The following ALDH16A1 variants were observed in gnomAD, a reference collection of about 807,000 sequenced individuals.
ALDH16A1 encodes the protein aldehyde dehydrogenase 16 family member A1, also known as aldehyde dehydrogenase family 16 member A1.
ALDH16A1 carries 88 observed loss-of-function variants against 96.1 expected under a neutral mutation model. That is an observed-to-expected ratio of 0.92 (90% confidence interval 0.77 to 1.09). The LOEUF is 1.09. Ranked by LOEUF, ALDH16A1 falls within the 50% of genes least tolerant of loss-of-function variation. The pLI, the probability that ALDH16A1 is intolerant of heterozygous loss-of-function variation, is 0.00. For missense variants in ALDH16A1, 1,250 were observed against 1,112.6 expected (o/e 1.12, Z -1.76); for synonymous variants, 522 against 496.4 (o/e 1.05, Z -0.69).
intron 1 of ALDH16A1, among the ~76,000 whole-genome samples, chr19:49,454,754 G>C (rs915393810): frequency 6.6e-6 from 1 of 152,186 alleles, no homozygotes; most frequent in South Asian, 2.1e-4. Flanking sequence ...AGGCCAAGAC[G>C]GGCAGATCGC....
In ALDH16A1 at chr19:49,468,159, CA is replaced by C. The variant is rs138585582; in HGVS notation, c.1939-207del. On this transcript the variant is annotated intron_variant, in intron 14 of 16. Transcript: ENST00000293350. This position sits in a 1 kb window ranked among gnomAD's most constrained non-coding sequence, Gnocchi z 4.4. ...AGGGCGACAGAGTGAGAGTCCGTCT[CA>C]AAAAAAAAAAAAAAGAAAGGCGGTT... The C allele has an allele frequency of 0.083, 33,439 of 404,648 alleles. No individual in the cohort carries two copies. Among genetic ancestry groups the C allele is most frequent in the East Asian group, 0.12 (2,782 of 23,496 alleles). 25.1% of individuals were successfully genotyped at this position (404,648 alleles called of 1,614,324 possible).
rs761523248 is a variant in ALDH16A1, at chr19:49,461,647, G to A, written c.606G>A (p.Pro202=). Residue 202 remains proline (P), a synonymous_variant, in exon 6 of 17, where the codon CCG becomes CCA. Transcript: ENST00000293350. The part of the protein sequence containing the change: ...VGCTVVALVP[P]ASPAPLLLAQ... ...GCACCGTGGTGGCCCTCGTGCCCCC[G>A]GCCTCCCCGGCGCCCCTCCTCCTGG... 56 of 1,600,848 alleles carry A rather than the reference G, an allele frequency of 3.5e-5. 1 individual carries two copies. The highest frequency in any genetic ancestry group is 6.8e-5 in the Admixed American group (4 of 59,062).
rs749761994 is a variant in ALDH16A1, at chr19:49,468,400, CT to C, written c.1959del (p.Val654CysfsTer69). ...HTLQVAGLRG[P>X]VLRLREPLGV... Reference sequence around the variant, plus strand: ...CTGCAGGTAGCCGGGCTGAGAGGCCCTGTGCTGCGCCTGCGGGAGCCGCTGG... The same window carrying C: ...CTGCAGGTAGCCGGGCTGAGAGGCCCGTGCTGCGCCTGCGGGAGCCGCTGG... On this transcript the variant is annotated frameshift_variant, in exon 15 of 17. Coordinates refer to ENST00000293350, the MANE Select transcript of ALDH16A1 (RefSeq NM_153329.4). LOFTEE classifies it high-confidence loss of function. The surrounding 1 kb of genome is among the most constrained non-coding windows in gnomAD (Gnocchi z 4.4). 6.3e-7 allele frequency: 1 copy of C among 1,599,838 alleles called. No individual in the cohort carries two copies. Among genetic ancestry groups the C allele is most frequent in the East Asian group, 2.2e-5 (1 of 44,854 alleles).
At chr19:49,462,063 C>T (rs1477176230) in intron 7 of ALDH16A1, 27 bp downstream of exon 7, 2 of 1,521,036 alleles carry the variant, frequency 1.3e-6, no homozygotes, top group African/African-American at 1.4e-5. Flanking sequence ...CCCGTCTCCT[C>T]ATACCCTGGA....
chr19:49,468,351 G>A lies in ALDH16A1; in HGVS notation c.1939-30G>A. The A allele has an allele frequency of 1.3e-6, 2 of 1,592,002 alleles. No homozygotes were observed. Among genetic ancestry groups the A allele is most frequent in the Non-Finnish European group, 1.7e-6 (2 of 1,176,628 alleles). On this transcript the variant is annotated intron_variant, in intron 14 of 16. Coordinates refer to ENST00000293350, the MANE Select transcript of ALDH16A1 (RefSeq NM_153329.4). This position sits in a 1 kb window ranked among gnomAD's most constrained non-coding sequence, Gnocchi z 4.4. Reference sequence around the variant, plus strand: ...CATTTACTGCGGGCGGGGCTCCCCTGCCCCACACGTGACCCACCTGTCCCT... The same window carrying A: ...CATTTACTGCGGGCGGGGCTCCCCTACCCCACACGTGACCCACCTGTCCCT...
chr19:49,460,203 G>A (rs1051692757), intron 4 of ALDH16A1, among the ~76,000 whole-genome samples: 2 of 150,894 alleles, frequency 1.3e-5, no homozygotes, highest in Non-Finnish European at 3.0e-5. Context: ...ATGAGCCACC[G>A]TGCCCGGTCC....
intron 1 of ALDH16A1, among the ~76,000 whole-genome samples, chr19:49,454,741 G>C (rs1273155150): frequency 6.6e-6 from 1 of 152,206 alleles, no homozygotes; most frequent in African/African-American, 2.4e-5. Flanking sequence ...CTAGAACTTG[G>C]GGAGGCCAAG....
intron 1 of ALDH16A1, 119 bp from the exon 2 acceptor site, chr19:49,458,367 A>G: frequency 1.3e-6 from 1 of 743,386 alleles, no homozygotes. Context: ...AATAGGAGGA[A>G]AAGAATTAGC....
intron 14 of ALDH16A1, among the ~76,000 whole-genome samples, chr19:49,467,076 G>T (rs1312531036): frequency 6.6e-6 from 1 of 152,168 alleles, no homozygotes; most frequent in Non-Finnish European, 1.5e-5. Context: ...GGAGTGCAGT[G>T]CCACAATCAT....
chr19:49,464,676 G>A lies in ALDH16A1; in HGVS notation c.1482G>A (p.Leu494=). Reference sequence around the variant, plus strand: ...GGCCCTCAGGGACCCCTGCCCGGCTGTCCTGCCTCTCCAAGAACCTGAACT... The same window carrying A: ...GGCCCTCAGGGACCCCTGCCCGGCTATCCTGCCTCTCCAAGAACCTGAACT... The part of the protein sequence containing the change: ...YLRPSGTPAR[L]SCLSKNLNYD... The change falls in exon 12 of 17, where the codon CTG becomes CTA. Residue 494 remains leucine (L), a synonymous_variant. Transcript: ENST00000293350. The A allele has an allele frequency of 1.9e-6, 3 of 1,614,196 alleles. No individual in the cohort carries two copies. The highest frequency in any genetic ancestry group is 1.7e-5 in the Admixed American group (1 of 60,020).
At chr19:49,460,289 G>A (rs1813684190) in intron 4 of ALDH16A1, among the ~76,000 whole-genome samples, 1 of 151,908 alleles carries the variant, frequency 6.6e-6, no homozygotes, top group Admixed American at 6.6e-5. Context: ...ACCCTGGCTG[G>A]AGTACAGTGG....
At chr19:49,467,089 C>T (rs1221295120) in intron 14 of ALDH16A1, among the ~76,000 whole-genome samples, 1 of 152,210 alleles carries the variant, frequency 6.6e-6, no homozygotes, top group African/African-American at 2.4e-5. Context: ...ACAATCATGG[C>T]TCACTGCAGC....
Position 49,453,400 on chromosome 19 carries a change from G to T in ALDH16A1, c.69G>T (p.Pro23=), listed in dbSNP as rs770469320. The change falls in exon 1 of 17, where the codon CCG becomes CCT. Residue 23 remains proline (P), a synonymous_variant. Transcript: ENST00000293350. ...CCTCGCTGGAGTACGGACCGGTGCCGGAGAGCCACGCATGCGCACTGGTGA... is the reference window on the plus strand; with the variant it reads ...CCTCGCTGGAGTACGGACCGGTGCCTGAGAGCCACGCATGCGCACTGGTGA... ...IFTSLEYGPV[P]ESHACALAWL... is the part of the protein sequence containing the mutation. The T allele has an allele frequency of 6.4e-7, 1 of 1,556,804 alleles. No homozygotes were observed. The highest frequency in any genetic ancestry group is 1.2e-5 in the South Asian group (1 of 85,100).
chr19:49,456,729 T>C (rs1224586705), intron 1 of ALDH16A1, among the ~76,000 whole-genome samples: 1 of 152,158 alleles, frequency 6.6e-6, no homozygotes, highest in Non-Finnish European at 1.5e-5. Flanking sequence ...CCAGTTCATG[T>C]TCAAATATCC....
At chr19:49,462,419 G>T (rs528061759) in intron 7 of ALDH16A1, 151 bp from the exon 8 acceptor site, 8 of 1,032,442 alleles carry the variant, frequency 7.7e-6, no homozygotes, top group Non-Finnish European at 9.7e-6. Context: ...GCAGGTGTGA[G>T]CCACCGCATC....
At chr19:49,465,299 C>T (rs2079188709) in intron 12 of ALDH16A1, among the ~76,000 whole-genome samples, 2 of 150,566 alleles carry the variant, frequency 1.3e-5, no homozygotes, top group African/African-American at 2.5e-5. Context: ...ATTTGGGGTG[C>T]CCCACAGGCT....
chr19:49,458,241 T>A (rs2079116730), intron 1 of ALDH16A1, among the ~76,000 whole-genome samples: 1 of 152,048 alleles, frequency 6.6e-6, no homozygotes. Flanking sequence ...TGAAAAAATG[T>A]TCTAGAACTA....
Position 49,462,101 on chromosome 19 carries a change from G to A in ALDH16A1, c.912+65G>A, listed in dbSNP as rs191108911. The A allele has an allele frequency of 8.2e-4, 1,198 of 1,454,096 alleles. 2 individuals are homozygous for A. Among genetic ancestry groups the A allele is most frequent in the Non-Finnish European group, 1.0e-3 (1,121 of 1,107,898 alleles). The allele number at this position is 1,454,096 out of a possible 1,614,324, so 90.1% of individuals were successfully genotyped here. Reference sequence around the variant, plus strand: ...CCGTTGGTGTCTGTCTCCAGTCTTCGGGGTCCCGAGTCTCTGTTCATTTTA... The same window carrying A: ...CCGTTGGTGTCTGTCTCCAGTCTTCAGGGTCCCGAGTCTCTGTTCATTTTA... On this transcript the variant is annotated intron_variant, in intron 7 of 16. Coordinates refer to ENST00000293350, the MANE Select transcript of ALDH16A1 (RefSeq NM_153329.4).
rs2079127812 is a variant in ALDH16A1, at chr19:49,459,804, A to AGGCATCCACCCAGGAGGAGGCACT, written c.460_483dup (p.Ser154_Ala161dup). 6.2e-7 allele frequency: 1 copy of AGGCATCCACCCAGGAGGAGGCACT among 1,613,344 alleles called. No individual in the cohort carries two copies. Among genetic ancestry groups the AGGCATCCACCCAGGAGGAGGCACT allele is most frequent in the Non-Finnish European group, 8.5e-7 (1 of 1,179,876 alleles). Reference sequence around the variant, plus strand: ...CAGCTGCTCCACTACCATGCAATCCAGGCATCCACCCAGGAGGAGGCACTG... The same window carrying AGGCATCCACCCAGGAGGAGGCACT: ...CAGCTGCTCCACTACCATGCAATCCAGGCATCCACCCAGGAGGAGGCACTGGCATCCACCCAGGAGGAGGCACTG... On this transcript the variant is annotated inframe_insertion, in exon 4 of 17. Coordinates refer to ENST00000293350, the MANE Select transcript of ALDH16A1 (RefSeq NM_153329.4). This position sits in a 1 kb window ranked among gnomAD's most constrained non-coding sequence, Gnocchi z 4.1.
Sources: allele counts gnomAD v4.1 joint callset (sites outside exome capture counted in the v4.1 genomes callset), GRCh38; gene constraint gnomAD v4.1.1; non-coding constraint Gnocchi (gnomAD v3.1); transcripts MANE v1.5; gene names NCBI Gene and HGNC (gene_info 2026-07-23, HGNC 2026-07-21).